GRM1: variants seen among roughly 807,000 people sequenced by gnomAD.
GRM1 encodes the protein metabotropic glutamate receptor 1.
A neutral mutation model predicts 90.9 loss-of-function variants in GRM1; 33 were observed. That is an observed-to-expected ratio of 0.36 (90% confidence interval 0.28 to 0.49). The LOEUF (loss-of-function observed/expected upper bound fraction) is 0.49. Ranked by LOEUF, GRM1 falls within the 20% of genes least tolerant of loss-of-function variation. GRM1 has a pLI of 0.99. For synonymous variants in GRM1, 700 were observed against 613.2 expected, an observed-to-expected ratio of 1.14 and a Z score of -2.09; for missense variants, 1,190 against 1,534.3, an observed-to-expected ratio of 0.78 and a Z score of 3.75.
rs1488946175 is a variant in GRM1 at position 146,082,177 on chromosome 6, A to G, written c.700+51960A>G. Among the ~76,000 whole-genome samples, 4 of 152,056 alleles carry G rather than the reference A, an allele frequency of 2.6e-5. No homozygotes were observed. In the East Asian group the frequency reaches 7.7e-4, roughly 29 times the overall value. ...TGTTCGGTTGGTTTCTTTTTTTGAGACAGAGCCTTACACTGTCACCCAGGC... is the reference window on the plus strand; with the variant it reads ...TGTTCGGTTGGTTTCTTTTTTTGAGGCAGAGCCTTACACTGTCACCCAGGC... On this transcript the variant is annotated intron_variant, in intron 1 of 7. Coordinates refer to ENST00000282753, the MANE Select transcript of GRM1 (RefSeq NM_001278064.2).
At chr6:146,297,843 A>G (rs912244890) in intron 2 of GRM1, among the ~76,000 whole-genome samples, 5 of 152,192 alleles carry the variant, frequency 3.3e-5, no homozygotes, top group African/African-American at 9.6e-5. Flanking sequence ...CTATATGTGC[A>G]CTGCTGACTA....
intron 7 of GRM1, among the ~76,000 whole-genome samples, chr6:146,426,020 G>A (rs545448743): frequency 2.0e-5 from 3 of 152,098 alleles, no homozygotes; most frequent in Middle Eastern, 3.2e-3. Flanking sequence ...ATCTCAACAG[G>A]TGGGTCTGTT....
At chr6:146,369,084 G>A (rs1384946771) in intron 5 of GRM1, among the ~76,000 whole-genome samples, 1 of 151,828 alleles carries the variant, frequency 6.6e-6, no homozygotes, top group Non-Finnish European at 1.5e-5. Flanking sequence ...TAGGTTATAT[G>A]TATTCAGGAA....
rs1778605747 is a variant in GRM1, at chr6:146,436,716, T to C, written c.*1920T>C. ...AAAAGGATTTTTCTTGCTGTTTTGA[T>C]TTCTTCTATTATTTGTGGAATGAAT... On this transcript the variant is annotated 3_prime_UTR_variant, in exon 8 of 8. Coordinates refer to ENST00000282753, the MANE Select transcript of GRM1 (RefSeq NM_001278064.2). The C allele has an allele frequency of 6.6e-6, 1 of 152,644 alleles. No individual in the cohort carries two copies. The highest frequency in any genetic ancestry group is 2.1e-4 in the South Asian group (1 of 4,834). 9.5% of individuals were successfully genotyped at this position (152,644 alleles called of 1,614,324 possible). A position where few individuals can be genotyped will look rare whatever the true frequency, so the allele number is the denominator to read the frequency against.
chr6:146,289,123 G>T (rs1004781947), intron 2 of GRM1, among the ~76,000 whole-genome samples: 1 of 152,032 alleles, frequency 6.6e-6, no homozygotes, highest in African/African-American at 2.4e-5. Context: ...TAAAAAAAAA[G>T]GTTAAGTGTA....
intron 3 of GRM1, among the ~76,000 whole-genome samples, chr6:146,343,608 G>A (rs1173236605): frequency 6.6e-6 from 1 of 151,610 alleles, no homozygotes; most frequent in East Asian, 1.9e-4. Context: ...GTTGGCTCTT[G>A]TGTCCCTTTG....
chr6:146,434,191 C>T lies in GRM1; in HGVS notation c.2980C>T (p.His994Tyr), dbSNP rs1452494446. Residue 994 changes from histidine (H) to tyrosine (Y), a missense_variant, in exon 8 of 8, where the codon CAC becomes TAC. Physicochemically the swap from His to Tyr is moderately conservative, Grantham distance 83. Transcript: ENST00000282753. Reference protein sequence around the residue: ...SAATTPPLPSHLTAEETPLFL... With the variant: ...SAATTPPLPSYLTAEETPLFL... ...GGCGACCACTCCGCCTCTGCCGTCC[C>T]ACCTGACCGCAGAGGAGACCCCCCT... The T allele has an allele frequency of 1.2e-6, 2 of 1,612,636 alleles. No homozygotes were observed. Among genetic ancestry groups the T allele is most frequent in the South Asian group, 2.2e-5 (2 of 91,026 alleles).
intron 6 of GRM1, among the ~76,000 whole-genome samples, chr6:146,395,250 A>T (rs1322962830): frequency 6.6e-6 from 1 of 152,112 alleles, no homozygotes; most frequent in Non-Finnish European, 1.5e-5. Flanking sequence ...ATTTTAAATT[A>T]TAACTGTTTT....
chr6:146,030,566 T>C (rs2128834905), intron 1 of GRM1, among the ~76,000 whole-genome samples: 1 of 152,346 alleles, frequency 6.6e-6, no homozygotes, highest in South Asian at 2.1e-4. Flanking sequence ...TGCCCTTCAG[T>C]GACTGGCTAT....
chr6:146,057,292 A>G (rs1775513229), intron 1 of GRM1, among the ~76,000 whole-genome samples: 1 of 152,146 alleles, frequency 6.6e-6, no homozygotes, highest in Admixed American at 6.6e-5. Flanking sequence ...CAGATGCTTC[A>G]AATACGATAA....
intron 6 of GRM1, 143 bp downstream of exon 6, chr6:146,387,159 A>C: frequency 1.2e-6 from 1 of 818,416 alleles, no homozygotes; most frequent in Non-Finnish European, 2.1e-6. Context: ...CAAGGAGTAT[A>C]CATAAACCTC....
At chr6:146,137,812 T>C (rs1170495197) in intron 1 of GRM1, among the ~76,000 whole-genome samples, 1 of 151,448 alleles carries the variant, frequency 6.6e-6, no homozygotes, top group Non-Finnish European at 1.5e-5. Flanking sequence ...CCATTTTTTG[T>C]GTCCTGCTCA....
At position 146,241,576 on chromosome 6, in the gene GRM1, C is replaced by A. The variant is rs142737572; in HGVS notation, c.951-63035C>A. On this transcript the variant is annotated intron_variant, in intron 2 of 7. Transcript: ENST00000282753. ...CCAAGCAGTCCCTCTTGGCTCCACT[C>A]TTCCCTGGCAATTCCCTCCCTTAGG... 4.9e-3 allele frequency among the ~76,000 whole-genome samples: 744 copies of A among 152,266 alleles called. 3 individuals are homozygous for A. The highest frequency in any genetic ancestry group is 0.017 in the African/African-American group (697 of 41,554).
chr6:146,027,883 G>A (rs1490432994), upstream of GRM1: 1 of 152,570 alleles, frequency 6.6e-6, no homozygotes, highest in Non-Finnish European at 1.5e-5. Context: ...CAAAGTCCCA[G>A]TCTATCAGAT....
At chr6:146,268,249 GC>G (rs1487472249) in intron 2 of GRM1, among the ~76,000 whole-genome samples, 8 of 152,100 alleles carry the variant, frequency 5.3e-5, no homozygotes, top group African/African-American at 1.9e-4. Flanking sequence ...AAAATGTTAA[GC>G]CCCCGACCTA....
At chr6:146,086,650 A>G in intron 1 of GRM1, among the ~76,000 whole-genome samples, 1 of 152,076 alleles carries the variant, frequency 6.6e-6, no homozygotes, top group South Asian at 2.1e-4. Flanking sequence ...GGAGAAGATC[A>G]TTAATGCGTC....
rs904687649 is a variant in GRM1, at chr6:146,428,989, G to A, written c.2661-4883G>A. ...TCTTTTTCTTTATTGATCAGATGAA[G>A]AAAGCACAGGTCTTAATAAGGGCAA... On this transcript the variant is annotated intron_variant, in intron 7 of 7. Coordinates refer to ENST00000282753, the MANE Select transcript of GRM1 (RefSeq NM_001278064.2). 3.9e-5 allele frequency among the ~76,000 whole-genome samples: 6 copies of A among 152,218 alleles called. No individual in the cohort carries two copies. The South Asian group carries it at 1.0e-3, about 26-fold the overall frequency.
chr6:146,191,038 C>G (rs750181825), intron 2 of GRM1, among the ~76,000 whole-genome samples: 1 of 152,082 alleles, frequency 6.6e-6, no homozygotes, highest in Non-Finnish European at 1.5e-5. Flanking sequence ...ACTTGCCATT[C>G]TCTCTCTCTC....
intron 2 of GRM1, among the ~76,000 whole-genome samples, chr6:146,270,739 T>A (rs1156741756): frequency 6.6e-6 from 1 of 152,236 alleles, no homozygotes; most frequent in East Asian, 1.9e-4. Context: ...ATGAACACCA[T>A]TTCAGGGAGG....
Sources: allele counts gnomAD v4.1 joint callset (sites outside exome capture counted in the v4.1 genomes callset), GRCh38; gene constraint gnomAD v4.1.1; transcripts MANE v1.5; gene names NCBI Gene and HGNC (gene_info 2026-07-23, HGNC 2026-07-21).